Variants in NTM observed in about 807,000 individuals in gnomAD.
NTM encodes neurotrimin.
In NTM, 13 loss-of-function variants were observed where a neutral mutation model predicts 42.1. That is an observed-to-expected ratio of 0.31 (90% CI 0.20 to 0.49). The LOEUF (loss-of-function observed/expected upper bound fraction) is 0.49, where lower values mean the gene tolerates loss of function less well. Among genes scored for constraint, NTM ranks in the 20% least tolerant of loss-of-function variants. NTM has a pLI of 0.99. For missense variants in NTM, 373 were observed against 452.8 expected, an observed-to-expected ratio of 0.82 and a Z score of 1.60; for synonymous variants, 187 against 179.2, an observed-to-expected ratio of 1.04 and a Z score of -0.35.
At chr11:132,190,795 A>T (rs966161263) in intron 3 of NTM, among the ~76,000 whole-genome samples, 44 of 152,020 alleles carry the variant, frequency 2.9e-4, no homozygotes, top group African/African-American at 9.4e-4. Flanking sequence ...AATTCTGGGC[A>T]AAATAGTCCA....
chr11:132,134,749 A>ATCTCTATCTC (rs1289812194), intron 2 of NTM, among the ~76,000 whole-genome samples: 2 of 106,938 alleles, frequency 1.9e-5, no homozygotes, highest in African/African-American at 7.4e-5. Flanking sequence ...ATATATATAT[A>ATCTCTATCTC]TATATATATA....
chr11:131,424,600 C>CTT (rs769740331), intron 1 of NTM, among the ~76,000 whole-genome samples: 7,493 of 56,064 alleles, frequency 0.13, 1,322 homozygotes, highest in Non-Finnish European at 0.14. Flanking sequence ...CTTTTCTTTT[C>CTT]TTTTTTTTTT....
intron 1 of NTM, among the ~76,000 whole-genome samples, chr11:131,543,820 T>G (rs899873423): frequency 6.6e-6 from 1 of 152,250 alleles, no homozygotes; most frequent in Non-Finnish European, 1.5e-5. Flanking sequence ...AGGATGGTTG[T>G]GCAGTAAGAA....
chr11:132,146,379 G>C lies in NTM; in HGVS notation c.265G>C (p.Val89Leu), dbSNP rs752103248. The C allele has an allele frequency of 2.3e-5, 37 of 1,614,066 alleles. No individual in the cohort carries two copies. Among genetic ancestry groups the C allele is most frequent in the Non-Finnish European group, 3.1e-5 (36 of 1,180,054 alleles). The change falls in exon 3 of 9, where the codon GTC (valine) becomes CTC (leucine). Residue 89 changes from valine (V) to leucine (L), a missense_variant. Physicochemically the swap from Val to Leu is conservative, Grantham distance 32 (BLOSUM62 1). Coordinates refer to ENST00000683400, the MANE Select transcript of NTM (RefSeq NM_001352005.2). The surrounding 1 kb of genome is among the most constrained non-coding windows in gnomAD (Gnocchi z 4.5). ...CAAGTGGTGCCTGGATCCTCGCGTG[G>C]TCCTTCTGAGCAACACCCAAACGCA... ...NDKWCLDPRV[V>L]LLSNTQTQYS...
chr11:132,276,751 G>C (rs1447774715), intron 4 of NTM, among the ~76,000 whole-genome samples: 1 of 152,132 alleles, frequency 6.6e-6, no homozygotes, highest in African/African-American at 2.4e-5. Context: ...CTTCTTGGGA[G>C]GGAAAGAGCA....
At chr11:131,982,417 C>T (rs2065391322) in intron 2 of NTM, among the ~76,000 whole-genome samples, 2 of 152,150 alleles carry the variant, frequency 1.3e-5, no homozygotes, top group South Asian at 2.1e-4. Flanking sequence ...ACAGCGATGG[C>T]AGGAATGGAG....
chr11:131,961,494 G>C (rs1234965504), intron 2 of NTM, among the ~76,000 whole-genome samples: 1 of 152,176 alleles, frequency 6.6e-6, no homozygotes, highest in African/African-American at 2.4e-5. Context: ...TGTGATGAAA[G>C]GTGCAGCATT....
chr11:131,593,372 G>A (rs1475200530), intron 1 of NTM, among the ~76,000 whole-genome samples: 1 of 152,194 alleles, frequency 6.6e-6, no homozygotes, highest in Non-Finnish European at 1.5e-5. Context: ...AGCAGGTGGG[G>A]TACGAGCATC....
chr11:131,569,590 T>TC (rs1718412395), intron 1 of NTM, among the ~76,000 whole-genome samples: 1 of 148,718 alleles, frequency 6.7e-6, no homozygotes, highest in African/African-American at 2.6e-5. Context: ...TTTTTTTTTT[T>TC]TCTTTGATAC....
chr11:131,690,863 T>C (rs573187092), intron 1 of NTM, among the ~76,000 whole-genome samples: 1 of 152,236 alleles, frequency 6.6e-6, no homozygotes, highest in East Asian at 1.9e-4. Flanking sequence ...GTTTGTCCTG[T>C]CCACCCCGTC....
chr11:131,970,167 T>G (rs574981103), intron 2 of NTM, among the ~76,000 whole-genome samples: 4 of 152,352 alleles, frequency 2.6e-5, no homozygotes, highest in African/African-American at 9.6e-5. Flanking sequence ...ACCTGCACCC[T>G]GTCACAACCA....
At chr11:132,182,673 A>G (rs1270893838) in intron 3 of NTM, among the ~76,000 whole-genome samples, 2 of 152,218 alleles carry the variant, frequency 1.3e-5, no homozygotes, top group Non-Finnish European at 2.9e-5. Context: ...TCTCTTGAGG[A>G]TGCAGTCTGC....
chr11:132,093,970 G>A (rs188728071), intron 2 of NTM, among the ~76,000 whole-genome samples: 2 of 152,182 alleles, frequency 1.3e-5, no homozygotes, highest in Non-Finnish European at 2.9e-5. Context: ...GCGCAGCTAC[G>A]TGGTGAAGAC....
chr11:131,781,455 GA>G lies in NTM; in HGVS notation c.83-130100del, dbSNP rs560220204. ...TCAGGAAACACCAGGTGAAATAAAT[GA>G]AAAAAAAAGAACATGATAATATATG... On this transcript the variant is annotated intron_variant, in intron 1 of 8. Coordinates refer to ENST00000683400, the MANE Select transcript of NTM (RefSeq NM_001352005.2). Among the ~76,000 whole-genome samples the G allele has an allele frequency of 2.7e-4, 40 of 148,654 alleles. No individual in the cohort carries two copies. The South Asian group carries it at 3.9e-3, about 14-fold the overall frequency.
At chr11:131,726,795 C>T (rs557730803) in intron 1 of NTM, among the ~76,000 whole-genome samples, 1 of 151,126 alleles carries the variant, frequency 6.6e-6, no homozygotes, top group African/African-American at 2.5e-5. Context: ...CTCATTGCAG[C>T]CTAAACCTAA....
In NTM at chr11:131,959,065, C is replaced by T. The variant is rs118172389; in HGVS notation, c.167+47417C>T. Among the ~76,000 whole-genome samples the T allele has an allele frequency of 2.2e-4, 34 of 152,250 alleles. No homozygotes were observed. The East Asian group carries it at 6.0e-3, about 27-fold the overall frequency. ...CAGCAGGCAGCATGAGCTCCATGTT[C>T]GTGTCAGTGCTTTTTGTTCCCCAGG... On this transcript the variant is annotated intron_variant, in intron 2 of 8. Transcript: ENST00000683400.
chr11:131,799,861 T>A (rs762541264), intron 1 of NTM, among the ~76,000 whole-genome samples: 3 of 152,188 alleles, frequency 2.0e-5, no homozygotes, highest in African/African-American at 7.2e-5. Context: ...GGCATCTGGG[T>A]TTGGGTGTCA....
chr11:132,220,771 G>C (rs2084980304), intron 4 of NTM, among the ~76,000 whole-genome samples: 1 of 152,184 alleles, frequency 6.6e-6, no homozygotes, highest in African/African-American at 2.4e-5. Context: ...GAACTGTCTT[G>C]ATGGAACAAA....
At chr11:132,165,433 C>T (rs1245584954) in intron 3 of NTM, among the ~76,000 whole-genome samples, 1 of 152,210 alleles carries the variant, frequency 6.6e-6, no homozygotes, top group African/African-American at 2.4e-5. Flanking sequence ...ATTTACCTAA[C>T]TTATTGCCTT....
Sources: allele counts gnomAD v4.1 joint callset (sites outside exome capture counted in the v4.1 genomes callset), GRCh38; gene constraint gnomAD v4.1.1; non-coding constraint Gnocchi (gnomAD v3.1); transcripts MANE v1.5; gene names NCBI Gene and HGNC (gene_info 2026-07-23, HGNC 2026-07-21).